The following VTI1A variants were observed in gnomAD, a reference collection of about 807,000 sequenced individuals.
VTI1A encodes the protein vesicle transport through interaction with t-SNAREs 1A.
A neutral mutation model predicts 34.9 loss-of-function variants in VTI1A; 22 were observed. The ratio of observed to expected loss-of-function variants is 0.63; its 90% CI spans 0.45 to 0.90. VTI1A has a LOEUF of 0.90. VTI1A is among the 40% of genes least tolerant of loss of function. The pLI, the probability that VTI1A is intolerant of heterozygous loss-of-function variation, is 0.00. For synonymous variants in VTI1A, 87 were observed against 97.3 expected (o/e 0.89, Z 0.62); for missense variants, 268 against 275.6 (o/e 0.97, Z 0.20).
chr10:112,771,313 GA>G (rs754119673), intron 7 of VTI1A, among the ~76,000 whole-genome samples: 1 of 152,250 alleles, frequency 6.6e-6, no homozygotes, highest in Non-Finnish European at 1.5e-5. Flanking sequence ...CATGTGCCCA[GA>G]AATGAGTCAG....
chr10:112,502,327 C>T (rs774913713), intron 3 of VTI1A, among the ~76,000 whole-genome samples: 3 of 152,064 alleles, frequency 2.0e-5, no homozygotes, highest in Non-Finnish European at 4.4e-5. Flanking sequence ...AACTACTACG[C>T]CCAGCTTCTT....
At chr10:112,739,577 T>C (rs1204084121) in intron 7 of VTI1A, among the ~76,000 whole-genome samples, 1 of 152,220 alleles carries the variant, frequency 6.6e-6, no homozygotes, top group Non-Finnish European at 1.5e-5. Context: ...ACAAGCGATG[T>C]CTTGTATTTC....
chr10:112,848,579 A>G, the VTI1A span, among the ~76,000 whole-genome samples: 1 of 152,212 alleles, frequency 6.6e-6, no homozygotes, highest in Non-Finnish European at 1.5e-5. Flanking sequence ...AGATCATGGC[A>G]GTTACAGGAA....
At chr10:112,567,991 G>A (rs1166305582) in intron 5 of VTI1A, among the ~76,000 whole-genome samples, 2 of 152,022 alleles carry the variant, frequency 1.3e-5, no homozygotes, top group East Asian at 1.9e-4. Flanking sequence ...ATCGATTTTC[G>A]GTACTTGGCA....
intron 3 of VTI1A, among the ~76,000 whole-genome samples, chr10:112,518,068 A>C (rs1410410617): frequency 2.0e-5 from 3 of 152,108 alleles, no homozygotes; most frequent in Non-Finnish European, 4.4e-5. Flanking sequence ...AATTTCATTT[A>C]TAAAACATGG....
chr10:112,478,940 G>A (rs1024369629), intron 3 of VTI1A, among the ~76,000 whole-genome samples: 29 of 152,004 alleles, frequency 1.9e-4, no homozygotes, highest in African/African-American at 6.0e-4. Context: ...AGGCCGAGAC[G>A]GGCGGATCAC....
intron 5 of VTI1A, among the ~76,000 whole-genome samples, chr10:112,661,413 C>T (rs949870702): frequency 6.6e-6 from 1 of 152,052 alleles, no homozygotes; most frequent in Non-Finnish European, 1.5e-5. Context: ...ACGCACCTGG[C>T]CTGCTTTTAT....
intron 7 of VTI1A, among the ~76,000 whole-genome samples, chr10:112,806,360 A>G (rs1853078649): frequency 6.6e-6 from 1 of 152,004 alleles, no homozygotes; most frequent in Non-Finnish European, 1.5e-5. Flanking sequence ...ATCTTGGCTC[A>G]CTGCAACTTC....
intron 7 of VTI1A, 58 bp from the exon 8 acceptor site, chr10:112,815,232 T>C (rs1853480919): frequency 9.1e-7 from 1 of 1,096,892 alleles, no homozygotes; most frequent in Non-Finnish European, 1.3e-6. Flanking sequence ...TCGGACGGCG[T>C]TTGTGGGAAG....
intron 7 of VTI1A, among the ~76,000 whole-genome samples, chr10:112,725,110 A>G (rs1849970642): frequency 6.6e-6 from 1 of 152,234 alleles, no homozygotes; most frequent in Non-Finnish European, 1.5e-5. Flanking sequence ...TTTCCAAAGC[A>G]TTCACAAATA....
chr10:112,550,726 T>C (rs1851318762), intron 5 of VTI1A, among the ~76,000 whole-genome samples: 1 of 152,078 alleles, frequency 6.6e-6, no homozygotes, highest in Non-Finnish European at 1.5e-5. Context: ...GATATAAGCG[T>C]GAAGTCGTAG....
chr10:112,477,240 T>C (rs780568720), intron 3 of VTI1A, among the ~76,000 whole-genome samples: 1 of 152,214 alleles, frequency 6.6e-6, no homozygotes, highest in African/African-American at 2.4e-5. Context: ...ATAACAACTG[T>C]GCAGTCAAAT....
chr10:112,683,780 A>C (rs904422386), intron 7 of VTI1A, among the ~76,000 whole-genome samples: 1 of 152,212 alleles, frequency 6.6e-6, no homozygotes, highest in Non-Finnish European at 1.5e-5. Context: ...ACGGTGGCTT[A>C]CACCTTAATC....
intron 5 of VTI1A, among the ~76,000 whole-genome samples, chr10:112,541,351 A>G (rs1850862257): frequency 6.6e-6 from 1 of 152,188 alleles, no homozygotes; most frequent in African/African-American, 2.4e-5. Flanking sequence ...GCAAAATGGA[A>G]ACTGTCAACC....
At chr10:112,694,142 CT>C (rs1445445908) in intron 7 of VTI1A, among the ~76,000 whole-genome samples, 4 of 152,068 alleles carry the variant, frequency 2.6e-5, no homozygotes, top group East Asian at 3.9e-4. Context: ...GGAGGCGGAG[CT>C]TGCAGTGAGC....
chr10:112,636,315 C>T (rs1846350449), intron 5 of VTI1A, among the ~76,000 whole-genome samples: 1 of 152,184 alleles, frequency 6.6e-6, no homozygotes, highest in Non-Finnish European at 1.5e-5. Flanking sequence ...TAAAGGTATA[C>T]AATTGCAATT....
chr10:112,813,968 AG>A lies in VTI1A; in HGVS notation c.561-1317del, dbSNP rs572026272. Among the ~76,000 whole-genome samples the A allele has an allele frequency of 9.3e-3, 1,415 of 152,282 alleles. 19 individuals carry two copies. The highest frequency in any genetic ancestry group is 0.032 in the African/African-American group (1,323 of 41,544). ...AGGAGGAGAGAGAGCTCGTCCTTTT[AG>A]GGGGCCACGAGGGAGTGGGTTGGTC... On this transcript the variant is annotated intron_variant, in intron 7 of 7. Coordinates refer to ENST00000393077, the MANE Select transcript of VTI1A (RefSeq NM_145206.4).
chr10:112,477,249 A>G (rs1274646587), intron 3 of VTI1A, among the ~76,000 whole-genome samples: 1 of 152,208 alleles, frequency 6.6e-6, no homozygotes, highest in Non-Finnish European at 1.5e-5. Context: ...GTGCAGTCAA[A>G]TTGTGCTTTT....
chr10:112,510,559 C>T (rs1849570253), intron 3 of VTI1A, among the ~76,000 whole-genome samples: 1 of 152,102 alleles, frequency 6.6e-6, no homozygotes, highest in Non-Finnish European at 1.5e-5. Context: ...TTGGTTGAGA[C>T]TGGAAGGTTG....
Sources: gnomAD v4.1 joint callset for allele counts (sites outside exome capture counted in the v4.1 genomes callset) on GRCh38, gnomAD v4.1.1 for gene constraint, MANE v1.5 for transcripts, NCBI Gene and HGNC (gene_info 2026-07-23, HGNC 2026-07-21) for gene names.